Variants in PCDHGB1 observed in about 807,000 individuals in gnomAD.
The protein encoded by PCDHGB1 is protocadherin gamma-B1.
In PCDHGB1, 34 loss-of-function variants were observed where a neutral mutation model predicts 56.6. The ratio of observed to expected loss-of-function variants is 0.60; its 90% CI spans 0.46 to 0.80. PCDHGB1 has a LOEUF of 0.80. Ranked by LOEUF, PCDHGB1 falls within the 30% of genes least tolerant of loss-of-function variation. The pLI is 0.00. For synonymous variants in PCDHGB1, 561 were observed against 505.9 expected (o/e 1.11, Z -1.46); for missense variants, 1,278 against 1,204.6 (o/e 1.06, Z -0.90).
chr5:141,458,549 T>A (rs2098948402), intron 1 of PCDHGB1, among the ~76,000 whole-genome samples: 1 of 148,072 alleles, frequency 6.8e-6, no homozygotes, highest in African/African-American at 2.6e-5. Flanking sequence ...ATTTTGTTTG[T>A]TTGTTTTGGT....
Position 141,476,598 on chromosome 5 carries a change from A to G in PCDHGB1, c.2410-18209A>G, listed in dbSNP as rs1222456783. The G allele has an allele frequency of 6.2e-7, 1 of 1,614,238 alleles. No homozygotes were observed. Among genetic ancestry groups the G allele is most frequent in the South Asian group, 1.1e-5 (1 of 91,088 alleles). On this transcript the variant is annotated intron_variant, in intron 1 of 3. Transcript: ENST00000523390. This position sits in a 1 kb window ranked among gnomAD's most constrained non-coding sequence, Gnocchi z 7.6. ...CGCTTTCCGCTCGAGAGCGCGCACG[A>G]TCCCGATGTGGGAAGCAACTCTTTA... is the stretch of plus-strand genomic sequence containing the variant.
intron 1 of PCDHGB1, among the ~76,000 whole-genome samples, chr5:141,459,831 G>T (rs907978430): frequency 1.3e-5 from 2 of 152,150 alleles, no homozygotes; most frequent in Non-Finnish European, 2.9e-5. Context: ...CTTTTCATGT[G>T]TTGTCTATTT....
intron 1 of PCDHGB1, among the ~76,000 whole-genome samples, chr5:141,466,514 T>C (rs1276000407): frequency 6.6e-6 from 1 of 152,226 alleles, no homozygotes; most frequent in Non-Finnish European, 1.5e-5. Context: ...AAGATCATTT[T>C]TTTTCCTCCC....
chr5:141,485,340 C>A lies in PCDHGB1; in HGVS notation c.2410-9467C>A. 1 of 1,614,076 alleles carries A rather than the reference C, an allele frequency of 6.2e-7. No individual in the cohort carries two copies. On this transcript the variant is annotated intron_variant, in intron 1 of 3. Transcript: ENST00000523390. The surrounding 1 kb of genome is among the most constrained non-coding windows in gnomAD (Gnocchi z 5.7). ...GTCGCTCAAGATTTCCTGCTGGATA[C>A]GGACAGTCTGTCAGCTCGCAGGCTG...
At chr5:141,454,796 ATTTTTTTTTTTTTTTT>A (rs61612330) in intron 1 of PCDHGB1, among the ~76,000 whole-genome samples, 1 of 77,408 alleles carries the variant, frequency 1.3e-5, no homozygotes, top group East Asian at 4.0e-4. Flanking sequence ...CATGGTTCTA[ATTTTTTTTTTTTTTTT>A]TTTTTTTTTT....
Position 141,491,905 on chromosome 5 carries a change from G to A in PCDHGB1, c.2410-2902G>A. 7.1e-7 allele frequency: 1 copy of A among 1,418,328 alleles called. No individual in the cohort carries two copies. Among genetic ancestry groups the A allele is most frequent in the Non-Finnish European group, 9.3e-7 (1 of 1,069,952 alleles). 87.9% of individuals were successfully genotyped at this position (1,418,328 alleles called of 1,614,324 possible). ...GATGGGGCTCCGAGCACCGGGGGTG[G>A]TGGCGACTGTGGGCGAGGGGAGGTG... On this transcript the variant is annotated intron_variant, in intron 1 of 3. Transcript: ENST00000523390. This position sits in a 1 kb window ranked among gnomAD's most constrained non-coding sequence, Gnocchi z 6.9.
At chr5:141,426,407 C>T (rs974898367) in intron 1 of PCDHGB1, 5 of 257,632 alleles carry the variant, frequency 1.9e-5, no homozygotes, top group African/African-American at 6.6e-5. Context: ...CCAGAAGAAA[C>T]GGTCCAGGGC....
In PCDHGB1 at chr5:141,393,995, A is replaced by C. The variant is rs201832611; in HGVS notation, c.2409+41326A>C. On this transcript the variant is annotated intron_variant, in intron 1 of 3. Coordinates refer to ENST00000523390, the MANE Select transcript of PCDHGB1 (RefSeq NM_018922.3). ...CACGTGATAATTTACCTTTTAAATT[A>C]GAAAAGTCAATAGGTAATTATTATA... is the stretch of plus-strand genomic sequence containing the variant. The C allele has an allele frequency of 8.1e-6, 13 of 1,613,430 alleles. No homozygotes were observed. Among genetic ancestry groups the C allele is most frequent in the Non-Finnish European group, 1.1e-5 (13 of 1,179,634 alleles).
intron 1 of PCDHGB1, chr5:141,375,685 C>A (rs1771752072): frequency 6.2e-7 from 1 of 1,614,144 alleles, no homozygotes; most frequent in Non-Finnish European, 8.5e-7. Flanking sequence ...GGGTGACAGC[C>A]AGCGACAGCG....
rs79201149 is a variant in PCDHGB1, at chr5:141,386,596, T to C, written c.2409+33927T>C. Among the ~76,000 whole-genome samples, 402 of 139,140 alleles carry C rather than the reference T, an allele frequency of 2.9e-3. 2 individuals are homozygous for C. Among genetic ancestry groups the C allele is most frequent in the Non-Finnish European group, 4.9e-3 (319 of 65,706 alleles). The allele number at this position is 139,140 out of a possible 152,430, so 91.3% of individuals were successfully genotyped here. A position where few individuals can be genotyped will look rare whatever the true frequency, so the allele number is the denominator to read the frequency against. Reference sequence around the variant, plus strand: ...TCTGTACAATAGTGTGGGGGATACATTTTTTTTTTTTGACATGGAGTCTCG... The same window carrying C: ...TCTGTACAATAGTGTGGGGGATACACTTTTTTTTTTTGACATGGAGTCTCG... On this transcript the variant is annotated intron_variant, in intron 1 of 3. Transcript: ENST00000523390.
chr5:141,433,208 C>CA, intron 1 of PCDHGB1: 1 of 1,293,080 alleles, frequency 7.7e-7, no homozygotes, highest in Non-Finnish European at 1.1e-6. Context: ...AATCTTCTTT[C>CA]TTTTTTTTTT....
rs567061101 is a variant in PCDHGB1 at position 141,432,791 on chromosome 5, C to T, written c.2410-62016C>T. The T allele has an allele frequency of 2.7e-5, 44 of 1,614,064 alleles. No homozygotes were observed. Among genetic ancestry groups the T allele is most frequent in the Admixed American group, 8.3e-5 (5 of 60,034 alleles). On this transcript the variant is annotated intron_variant, in intron 1 of 3. Coordinates refer to ENST00000523390, the MANE Select transcript of PCDHGB1 (RefSeq NM_018922.3). The surrounding 1 kb of genome is among the most constrained non-coding windows in gnomAD (Gnocchi z 6.0). ...CCAAGTCCTGGCGGACCTCGGCAGC[C>T]TCGAGTCTCCAGCTAACTCTGAAAC... is the stretch of plus-strand genomic sequence containing the variant.
At chr5:141,465,494 G>C (rs2099104306) in intron 1 of PCDHGB1, among the ~76,000 whole-genome samples, 1 of 152,204 alleles carries the variant, frequency 6.6e-6, no homozygotes, top group African/African-American at 2.4e-5. Context: ...ATGAGCGGGA[G>C]CATTGTCGTG....
rs2097549501 is a variant in PCDHGB1 at position 141,432,920 on chromosome 5, A to T, written c.2410-61887A>T. ...GGCGCTCAGGCTGCGGCGCTGGCAC[A>T]AGTCACGCCTGCTGCAGGCTTCAGG... On this transcript the variant is annotated intron_variant, in intron 1 of 3. Transcript: ENST00000523390. The surrounding 1 kb of genome is among the most constrained non-coding windows in gnomAD (Gnocchi z 6.0). 1 of 1,614,022 alleles carries T rather than the reference A, an allele frequency of 6.2e-7. No homozygotes were observed.
chr5:141,505,402 T>G lies in PCDHGB1; in HGVS notation c.2478T>G (p.Asn826Lys), dbSNP rs1216666169. 1.9e-6 allele frequency: 3 copies of G among 1,614,014 alleles called. No homozygotes were observed. Among genetic ancestry groups the G allele is most frequent in the Non-Finnish European group, 2.5e-6 (3 of 1,180,034 alleles). Residue 826 changes from asparagine (N) to lysine (K), a missense_variant, in exon 3 of 4, where the codon AAT (asparagine) becomes AAG (lysine). Coordinates refer to ENST00000523390, the MANE Select transcript of PCDHGB1 (RefSeq NM_018922.3). The part of the protein sequence containing the change: ...AQRPGTSGSQ[N>K]GDDTGTWPNN... ...CCTACTCTCTCCCCAGCTCCCAAAA[T>G]GGCGATGACACCGGCACCTGGCCCA...
chr5:141,432,093 C>A lies in PCDHGB1; in HGVS notation c.2410-62714C>A. The A allele has an allele frequency of 1.2e-6, 2 of 1,614,170 alleles. No homozygotes were observed. Among genetic ancestry groups the A allele is most frequent in the Non-Finnish European group, 1.7e-6 (2 of 1,180,046 alleles). On this transcript the variant is annotated intron_variant, in intron 1 of 3. Coordinates refer to ENST00000523390, the MANE Select transcript of PCDHGB1 (RefSeq NM_018922.3). The surrounding 1 kb of genome is among the most constrained non-coding windows in gnomAD (Gnocchi z 6.0). ...CATATCTCGCTGAACGTGGCAGACA[C>A]CAACGACAACCCGCCGGTCTTCCCT...
At chr5:141,468,783 G>A (rs908838744) in intron 1 of PCDHGB1, among the ~76,000 whole-genome samples, 7 of 151,460 alleles carry the variant, frequency 4.6e-5, no homozygotes, top group South Asian at 2.1e-4. Context: ...GGAGAATGGC[G>A]TGAACCCGGG....
intron 1 of PCDHGB1, among the ~76,000 whole-genome samples, chr5:141,464,264 AAAAAAAAAAAAAAGC>A (rs974197911): frequency 4.0e-4 from 52 of 130,598 alleles, no homozygotes; most frequent in Non-Finnish European, 6.3e-4. Context: ...GACTCCGTCT[AAAAAAAAAAAAAAGC>A]AAAAAAAAAA....
At chr5:141,375,325 G>A (rs1021429198) in intron 1 of PCDHGB1, 6 of 1,613,650 alleles carry the variant, frequency 3.7e-6, no homozygotes, top group Admixed American at 1.7e-5. Context: ...ACCGGGAAGA[G>A]GTATTCTTGT....
Sources: allele counts gnomAD v4.1 joint callset (sites outside exome capture counted in the v4.1 genomes callset), GRCh38; gene constraint gnomAD v4.1.1; non-coding constraint Gnocchi (gnomAD v3.1); transcripts MANE v1.5; gene names NCBI Gene and HGNC (gene_info 2026-07-23, HGNC 2026-07-21).